CHRM2: variants seen among roughly 807,000 people sequenced by gnomAD.
The protein encoded by CHRM2 is cholinergic receptor muscarinic 2, also known as muscarinic acetylcholine receptor M2.
In CHRM2, 8 loss-of-function variants were observed where a neutral mutation model predicts 25.0. The ratio of observed to expected loss-of-function variants is 0.32; its 90% CI spans 0.19 to 0.58. The LOEUF (loss-of-function observed/expected upper bound fraction) is 0.58. Among genes scored for constraint, CHRM2 ranks in the 20% least tolerant of loss-of-function variants. The pLI is 0.88. For synonymous variants in CHRM2, 202 were observed against 205.7 expected (o/e 0.98, Z 0.15); for missense variants, 440 against 567.1 (o/e 0.78, Z 2.28).
intron 2 of CHRM2, chr7:136,950,961 C>A (rs1457006638): frequency 6.6e-6 from 1 of 152,422 alleles, no homozygotes; most frequent in African/African-American, 2.4e-5. Context: ...CACATGCCAC[C>A]ATGTCCGGCT....
chr7:136,949,831 A>C (rs1800297642), intron 2 of CHRM2, among the ~76,000 whole-genome samples: 1 of 151,500 alleles, frequency 6.6e-6, no homozygotes, highest in Non-Finnish European at 1.5e-5. Flanking sequence ...GCTCCACCTT[A>C]CTTATTTATT....
At position 137,019,716 on chromosome 7, in the gene CHRM2, C is replaced by G. The variant is rs1366796198; in HGVS notation, c.*3450C>G. On this transcript the variant is annotated 3_prime_UTR_variant, in exon 4 of 4. Transcript: ENST00000680005. Reference sequence around the variant, plus strand: ...CAGTTCATCATTAATTTAACGCCAGCTCCCAAGTATTAGGGCAGAGTAATC... The same window carrying G: ...CAGTTCATCATTAATTTAACGCCAGGTCCCAAGTATTAGGGCAGAGTAATC... 1.3e-5 allele frequency: 2 copies of G among 151,848 alleles called. No individual in the cohort carries two copies. Among genetic ancestry groups the G allele is most frequent in the African/African-American group, 4.8e-5 (2 of 41,398 alleles). 9.4% of individuals were successfully genotyped at this position (151,848 alleles called of 1,614,324 possible).
In CHRM2 at chr7:137,014,861, G is replaced by A. The variant is rs531953729; in HGVS notation, c.-5G>A. 5.6e-5 allele frequency: 91 copies of A among 1,612,550 alleles called. 1 individual carries two copies. In the South Asian group the frequency reaches 7.8e-4, roughly 14 times the overall value. On this transcript the variant is annotated 5_prime_UTR_variant, in exon 4 of 4. Coordinates refer to ENST00000680005, the MANE Select transcript of CHRM2 (RefSeq NM_001006630.2). Reference sequence around the variant, plus strand: ...GCTACTTGGCTACTGATTAGAGAACGCAAAATGAATAACTCAACAAACTCC... The same window carrying A: ...GCTACTTGGCTACTGATTAGAGAACACAAAATGAATAACTCAACAAACTCC...
intron 2 of CHRM2, among the ~76,000 whole-genome samples, chr7:136,891,661 T>A (rs1796695296): frequency 6.6e-6 from 1 of 152,206 alleles, no homozygotes; most frequent in Non-Finnish European, 1.5e-5. Flanking sequence ...TGTGCTTCAA[T>A]CAGCGTTTAG....
rs147042324 is a variant in CHRM2 at position 136,958,141 on chromosome 7, C to T, written c.-124-34046C>T. On this transcript the variant is annotated intron_variant, in intron 2 of 3. Coordinates refer to ENST00000680005, the MANE Select transcript of CHRM2 (RefSeq NM_001006630.2). ...TATTACCAGCACATTTTTATGCTAA[C>T]GGAAATGAGCCAGTTGAGAGGGAAG... is the stretch of plus-strand genomic sequence containing the variant. Among the ~76,000 whole-genome samples, 116 of 152,036 alleles carry T rather than the reference C, an allele frequency of 7.6e-4. 1 individual carries two copies. Among genetic ancestry groups the T allele is most frequent in the South Asian group, 1.5e-3 (7 of 4,802 alleles).
intron 2 of CHRM2, among the ~76,000 whole-genome samples, chr7:136,983,628 A>G (rs906652419): frequency 2.6e-5 from 4 of 152,104 alleles, no homozygotes; most frequent in African/African-American, 9.7e-5. Context: ...ACGTGGACGT[A>G]CTTTTTGTTT....
In CHRM2 at chr7:137,016,730, A is replaced by C. The variant is rs1452777887; in HGVS notation, c.*464A>C. ...GGCACTATACAATGGGGACATAAAA[A>C]AAGAAAATCAAAGAAGGATGCAGAA... is the stretch of plus-strand genomic sequence containing the variant. On this transcript the variant is annotated 3_prime_UTR_variant, in exon 4 of 4. Transcript: ENST00000680005. The C allele has an allele frequency of 2.9e-5, 5 of 171,752 alleles. No individual in the cohort carries two copies. In the East Asian group the frequency reaches 9.3e-4, roughly 32 times the overall value. The allele number at this position is 171,752 out of a possible 1,614,324, so 10.6% of individuals were successfully genotyped here.
intron 2 of CHRM2, among the ~76,000 whole-genome samples, chr7:136,942,274 A>AAT (rs556088927): frequency 7.0e-4 from 106 of 152,242 alleles, no homozygotes; most frequent in African/African-American, 2.2e-3. Flanking sequence ...GCTCCAAGAA[A>AAT]ACGCCCCCAG....
intron 2 of CHRM2, among the ~76,000 whole-genome samples, chr7:136,924,864 G>A (rs1359432686): frequency 6.6e-6 from 1 of 152,064 alleles, no homozygotes; most frequent in Non-Finnish European, 1.5e-5. Context: ...TATCTTCTGG[G>A]CGTAACACAG....
At chr7:136,872,956 G>A (rs2130456578) in intron 2 of CHRM2, among the ~76,000 whole-genome samples, 1 of 152,304 alleles carries the variant, frequency 6.6e-6, no homozygotes, top group East Asian at 1.9e-4. Flanking sequence ...TCTCAATCCT[G>A]TCTTAAACTT....
chr7:137,000,547 A>AAGGAAGGAAGGAAGGAAG (rs1554434051), intron 3 of CHRM2, among the ~76,000 whole-genome samples: 1 of 95,174 alleles, frequency 1.1e-5, no homozygotes, highest in African/African-American at 3.6e-5. Flanking sequence ...AAAGAAAGAA[A>AAGGAAGGAAGGAAGGAAG]GAAGGAAGGA....
At chr7:136,879,221 T>C (rs1019757251) in intron 2 of CHRM2, among the ~76,000 whole-genome samples, 1 of 152,010 alleles carries the variant, frequency 6.6e-6, no homozygotes, top group Non-Finnish European at 1.5e-5. Flanking sequence ...ATAACATATA[T>C]GTTGCAACAT....
At chr7:136,982,310 A>G (rs1802542567) in intron 2 of CHRM2, among the ~76,000 whole-genome samples, 1 of 151,976 alleles carries the variant, frequency 6.6e-6, no homozygotes, top group Non-Finnish European at 1.5e-5. Flanking sequence ...ATCTTCCTCC[A>G]TCCTTTTATT....
intron 2 of CHRM2, among the ~76,000 whole-genome samples, chr7:136,915,497 G>A (rs1341964149): frequency 6.6e-6 from 1 of 151,766 alleles, no homozygotes; most frequent in Admixed American, 6.6e-5. Flanking sequence ...CCCATTTTAT[G>A]TTTTATATAT....
intron 2 of CHRM2, among the ~76,000 whole-genome samples, chr7:136,884,517 GT>G (rs34808938): frequency 0.1 from 14,599 of 143,394 alleles, 748 homozygotes; most frequent in Non-Finnish European, 0.12. Context: ...TTTTTGCTTT[GT>G]TTTTTTATCA....
chr7:136,995,971 A>T (rs1192209129), intron 3 of CHRM2, among the ~76,000 whole-genome samples: 1 of 151,910 alleles, frequency 6.6e-6, no homozygotes, highest in Non-Finnish European at 1.5e-5. Context: ...GTGTAAGAAT[A>T]GACAGATAAA....
intron 3 of CHRM2, among the ~76,000 whole-genome samples, chr7:137,004,140 A>G (rs900771967): frequency 2.0e-5 from 3 of 152,142 alleles, no homozygotes; most frequent in African/African-American, 7.2e-5. Context: ...ACAAGTCCCA[A>G]TCCATTTGCT....
At chr7:136,880,032 C>A (rs534623866) in intron 2 of CHRM2, among the ~76,000 whole-genome samples, 1 of 148,386 alleles carries the variant, frequency 6.7e-6, no homozygotes, top group South Asian at 2.1e-4. Context: ...TCCCGTGGTC[C>A]ATTCCTCTTG....
chr7:136,893,084 T>C (rs1454851259), intron 2 of CHRM2, among the ~76,000 whole-genome samples: 2 of 152,204 alleles, frequency 1.3e-5, no homozygotes, highest in Non-Finnish European at 2.9e-5. Flanking sequence ...CATGTCTCTC[T>C]CTCTTGTTCT....
Sources: gnomAD v4.1 joint callset for allele counts (sites outside exome capture counted in the v4.1 genomes callset) on GRCh38, gnomAD v4.1.1 for gene constraint, MANE v1.5 for transcripts, NCBI Gene and HGNC (gene_info 2026-07-23, HGNC 2026-07-21) for gene names.